The following ZNF85 variants were observed in gnomAD, a reference collection of about 807,000 sequenced individuals.
The protein encoded by ZNF85 is zinc finger protein 85 (HPF4, HTF1).
Under a neutral mutation model 53.9 loss-of-function variants are expected in ZNF85, and 50 were observed. The ratio of observed to expected loss-of-function variants is 0.93; its 90% CI spans 0.74 to 1.17. ZNF85 has a LOEUF of 1.17. ZNF85 is among the 50% of genes most tolerant of loss of function. The probability of loss-of-function intolerance (pLI) is 0.00; values close to 1 mark genes in which losing one functional copy is unlikely to be tolerated. For synonymous variants in ZNF85, 225 were observed against 226.1 expected (o/e 1.00, Z 0.04); for missense variants, 747 against 688.5 (o/e 1.08, Z -0.95).
intron 3 of ZNF85, among the ~76,000 whole-genome samples, chr19:20,946,592 A>ACACACACACACACC (rs367859040): frequency 0.028 from 4,309 of 151,484 alleles, 56 homozygotes; most frequent in South Asian, 0.042. Context: ...ACACACACAC[A>ACACACACACACACC]CCCCACAAAT....
At chr19:20,948,397 A>G (rs1973472355) in intron 3 of ZNF85, among the ~76,000 whole-genome samples, 1 of 152,122 alleles carries the variant, frequency 6.6e-6, no homozygotes, top group African/African-American at 2.4e-5. Context: ...TGTCTTTTAT[A>G]AAAGAAACCA....
intron 1 of ZNF85, among the ~76,000 whole-genome samples, chr19:20,924,836 T>A (rs1263515050): frequency 6.6e-6 from 1 of 152,228 alleles, no homozygotes; most frequent in Admixed American, 6.5e-5. Context: ...TTTCCTTTTA[T>A]CTTCCCTAGG....
At position 20,949,204 on chromosome 19, in the gene ZNF85, C is replaced by T. The variant is rs768414732; in HGVS notation, c.690C>T (p.Tyr230=). 1.9e-6 allele frequency: 3 copies of T among 1,613,280 alleles called. No individual in the cohort carries two copies. Among genetic ancestry groups the T allele is most frequent in the South Asian group, 1.1e-5 (1 of 91,046 alleles). ...GAATTCATACGGGAGAGAAACCTTA[C>T]AAATGTGAAGAATGTGGTAAAGCCT... The part of the protein sequence containing the change: ...HKRIHTGEKP[Y]KCEECGKAFN... Residue 230 remains tyrosine, a synonymous_variant, in exon 4 of 4, where the codon TAC becomes TAT. Coordinates refer to ENST00000328178, the MANE Select transcript of ZNF85 (RefSeq NM_003429.5).
At chr19:20,946,592 A>ACACACACC (rs367859040) in intron 3 of ZNF85, among the ~76,000 whole-genome samples, 20 of 151,548 alleles carry the variant, frequency 1.3e-4, no homozygotes, top group Non-Finnish European at 2.7e-4. Context: ...ACACACACAC[A>ACACACACC]CCCCACAAAT....
chr19:20,930,801 T>C (rs1248644292), intron 1 of ZNF85, among the ~76,000 whole-genome samples: 1 of 152,032 alleles, frequency 6.6e-6, no homozygotes, highest in East Asian at 1.9e-4. Flanking sequence ...AGACAGAGTT[T>C]CGCTCTTGCT....
rs1973518519 is a variant in ZNF85, at chr19:20,949,559, A to G, written c.1045A>G (p.Lys349Glu). Residue 349 changes from lysine (K) to glutamate (E), a missense_variant, in exon 4 of 4, where the codon AAA (lysine) becomes GAA (glutamate). Lys to Glu is a moderately conservative substitution (Grantham distance 56, BLOSUM62 1). Transcript: ENST00000328178. Reference protein sequence around the residue: ...EKPYKCKKCGKAFNQSAHLTT... With the variant: ...EKPYKCKKCGEAFNQSAHLTT... ...ACCCTACAAATGTAAAAAATGTGGAAAAGCCTTTAACCAGTCTGCACACCT... is the reference window on the plus strand; with the variant it reads ...ACCCTACAAATGTAAAAAATGTGGAGAAGCCTTTAACCAGTCTGCACACCT... 1.9e-6 allele frequency: 3 copies of G among 1,598,534 alleles called. No individual in the cohort carries two copies. In the East Asian group the frequency reaches 6.7e-5, roughly 36 times the overall value.
At position 20,950,099 on chromosome 19, in the gene ZNF85, A is replaced by G; in HGVS notation, c.1585A>G (p.Lys529Glu). Residue 529 changes from lysine to glutamate, a missense_variant, in exon 4 of 4, where the codon AAG (lysine) becomes GAG (glutamate). By Grantham distance (56) the Lys-to-Glu change is moderately conservative (BLOSUM62 1). Coordinates refer to ENST00000328178, the MANE Select transcript of ZNF85 (RefSeq NM_003429.5). Reference protein sequence around the residue: ...FNQSSKLTKHKKIHTGEKPYT... With the variant: ...FNQSSKLTKHEKIHTGEKPYT... ...CCAATCCTCAAAACTTACCAAACATAAGAAAATTCATACTGGAGAGAAACC... is the reference window on the plus strand; with the variant it reads ...CCAATCCTCAAAACTTACCAAACATGAGAAAATTCATACTGGAGAGAAACC... The G allele has an allele frequency of 6.2e-7, 1 of 1,613,358 alleles. No homozygotes were observed. Among genetic ancestry groups the G allele is most frequent in the Non-Finnish European group, 8.5e-7 (1 of 1,179,802 alleles).
chr19:20,939,326 G>A (rs1973237676), intron 3 of ZNF85, among the ~76,000 whole-genome samples: 1 of 152,154 alleles, frequency 6.6e-6, no homozygotes, highest in Non-Finnish European at 1.5e-5. Context: ...CATGATCTCA[G>A]CTCACTGCAA....
At chr19:20,928,483 A>G (rs1346655847) in intron 1 of ZNF85, 2 of 152,396 alleles carry the variant, frequency 1.3e-5, no homozygotes, top group Non-Finnish European at 2.9e-5. Flanking sequence ...ACTTAGAGGA[A>G]AGGACCTCTG....
At chr19:20,927,108 T>G (rs1972897397) in intron 1 of ZNF85, 1 of 152,144 alleles carries the variant, frequency 6.6e-6, no homozygotes, top group Non-Finnish European at 1.5e-5. Context: ...ACACTCAGGG[T>G]AGCTCAAAGT....
intron 3 of ZNF85, chr19:20,936,447 A>G (rs1973160459): frequency 6.6e-6 from 1 of 151,526 alleles, no homozygotes; most frequent in Admixed American, 6.6e-5. Context: ...GAAAGAGTAC[A>G]CTCGCCAGCA....
intron 3 of ZNF85, among the ~76,000 whole-genome samples, chr19:20,947,568 A>G (rs1337678171): frequency 6.9e-6 from 1 of 145,126 alleles, no homozygotes; most frequent in African/African-American, 2.6e-5. Context: ...TCGCTTGCAA[A>G]ATTTTCATGA....
intron 1 of ZNF85, among the ~76,000 whole-genome samples, chr19:20,924,710 A>G (rs1471177373): frequency 6.6e-6 from 1 of 152,210 alleles, no homozygotes; most frequent in African/African-American, 2.4e-5. Flanking sequence ...TAATTCTTCC[A>G]CAAAACATTG....
Position 20,950,407 on chromosome 19 carries a change from A to C in ZNF85, c.*105A>C, listed in dbSNP as rs1466552530. The C allele has an allele frequency of 1.3e-6, 1 of 783,234 alleles. No homozygotes were observed. Among genetic ancestry groups the C allele is most frequent in the Non-Finnish European group, 1.9e-6 (1 of 515,644 alleles). The allele number at this position is 783,234 out of a possible 1,614,324, so 48.5% of individuals were successfully genotyped here. ...GAAAGATGTGACAATAATTTTGACA[A>C]CACCTCAGACTTATAAAAGTAATCA... On this transcript the variant is annotated 3_prime_UTR_variant, in exon 4 of 4. Transcript: ENST00000328178.
chr19:20,941,363 T>C (rs1354784453), intron 3 of ZNF85, among the ~76,000 whole-genome samples: 1 of 151,786 alleles, frequency 6.6e-6, no homozygotes, highest in African/African-American at 2.4e-5. Flanking sequence ...GCCTCTGGGG[T>C]TCAAGCAATT....
At chr19:20,923,686 G>A (rs1174204739) in intron 1 of ZNF85, among the ~76,000 whole-genome samples, 1 of 149,984 alleles carries the variant, frequency 6.7e-6, no homozygotes, top group Non-Finnish European at 1.5e-5. Context: ...AGATTGAGCA[G>A]GGACCACGGG....
intron 2 of ZNF85, among the ~76,000 whole-genome samples, 163 bp from the exon 3 acceptor site, chr19:20,934,782 CAAAA>C (rs57803900): frequency 1.3e-5 from 1 of 78,378 alleles, no homozygotes; most frequent in Admixed American, 1.5e-4. Context: ...GACTCCATCT[CAAAA>C]AAAAAAAAAA....
chr19:20,947,383 A>G (rs1463643805), intron 3 of ZNF85, among the ~76,000 whole-genome samples: 4 of 150,056 alleles, frequency 2.7e-5, no homozygotes, highest in Non-Finnish European at 5.9e-5. Context: ...ATATGTGCAT[A>G]TCTTTCCCAG....
Position 20,949,962 on chromosome 19 carries a change from A to C in ZNF85, c.1448A>C (p.Lys483Thr), listed in dbSNP as rs575603166. 2 of 1,611,178 alleles carry C rather than the reference A, an allele frequency of 1.2e-6. No homozygotes were observed. Among genetic ancestry groups the C allele is most frequent in the South Asian group, 1.1e-5 (1 of 90,970 alleles). The change falls in exon 4 of 4, where the codon AAA (lysine) becomes ACA (threonine). Residue 483 changes from lysine to threonine, a missense_variant. Coordinates refer to ENST00000328178, the MANE Select transcript of ZNF85 (RefSeq NM_003429.5). ...AGTCATACAGAAGAGAAACCTTACA[A>C]ATGTGAAGAATGTGGCAAAGGTTTT... ...KKSHTEEKPY[K>T]CEECGKGFKW...
Sources: allele counts gnomAD v4.1 joint callset (sites outside exome capture counted in the v4.1 genomes callset), GRCh38; gene constraint gnomAD v4.1.1; transcripts MANE v1.5; gene names NCBI Gene and HGNC (gene_info 2026-07-23, HGNC 2026-07-21).